GADL1: variants seen among roughly 807,000 people sequenced by gnomAD.
GADL1 encodes GAD like acidic amino acid decarboxylase 1, also known as acidic amino acid decarboxylase GADL1.
A neutral mutation model predicts 69.5 loss-of-function variants in GADL1; 71 were observed. The ratio of observed to expected loss-of-function variants is 1.02; its 90% CI spans 0.84 to 1.25. GADL1 has a LOEUF of 1.25. Ranked by LOEUF, GADL1 falls within the 50% of genes most tolerant of loss-of-function variation. The pLI is 0.00. For missense variants in GADL1, 737 were observed against 631.8 expected (o/e 1.17, Z -1.79); for synonymous variants, 254 against 214.4 (o/e 1.18, Z -1.62).
At chr3:30,886,279 T>C (rs1698707875) in intron 1 of GADL1, among the ~76,000 whole-genome samples, 1 of 152,066 alleles carries the variant, frequency 6.6e-6, no homozygotes, top group South Asian at 2.1e-4. Context: ...GATTGAGGAA[T>C]GTACTGTAGT....
At chr3:30,770,502 TG>T (rs1434469201) in intron 14 of GADL1, among the ~76,000 whole-genome samples, 1 of 152,198 alleles carries the variant, frequency 6.6e-6, no homozygotes, top group African/African-American at 2.4e-5. Flanking sequence ...GTTCATGAAA[TG>T]CAGATTTAGC....
At chr3:30,796,597 T>G (rs548416391) in intron 12 of GADL1, among the ~76,000 whole-genome samples, 1 of 152,208 alleles carries the variant, frequency 6.6e-6, no homozygotes, top group East Asian at 1.9e-4. Context: ...ATCTTAAACT[T>G]GAACCCGAAA....
rs905340558 is a variant in GADL1, at chr3:30,894,605, C to A, written c.10G>T (p.Asp4Tyr). ...TCCACAGGACACTGGCGGTCCGAGT[C>A]GCTGCTCATCTCCGCTCCCCCACTC... MSS[D>Y]SDRQCPVDGD... The change falls in exon 1 of 15, where the codon GAC (aspartate) becomes TAC (tyrosine). Residue 4 changes from aspartate (D) to tyrosine (Y), a missense_variant. Asp to Tyr is a radical substitution (Grantham distance 160, BLOSUM62 -3). Transcript: ENST00000282538. 2 of 1,550,898 alleles carry A rather than the reference C, an allele frequency of 1.3e-6. No individual in the cohort carries two copies. Among genetic ancestry groups the A allele is most frequent in the East Asian group, 2.4e-5 (1 of 40,880 alleles).
chr3:30,750,319 C>T (rs1695786130), intron 14 of GADL1, among the ~76,000 whole-genome samples: 1 of 152,028 alleles, frequency 6.6e-6, no homozygotes, highest in South Asian at 2.1e-4. Context: ...TCAAAAATGT[C>T]CTGAGTTGGG....
At chr3:30,846,861 A>G (rs1376298113) in intron 6 of GADL1, among the ~76,000 whole-genome samples, 1 of 152,156 alleles carries the variant, frequency 6.6e-6, no homozygotes, top group African/African-American at 2.4e-5. Flanking sequence ...GAGGAAGAGA[A>G]AGAGGCACCT....
At position 30,752,071 on chromosome 3, in the gene GADL1, CCT is replaced by C. The variant is rs1171780063; in HGVS notation, c.1393-23658_1393-23657del. Among the ~76,000 whole-genome samples the C allele has an allele frequency of 2.0e-5, 3 of 152,008 alleles. No homozygotes were observed. The East Asian group carries it at 5.8e-4, about 29-fold the overall frequency. ...GGCTACCCAGGCCCATGTGCTGAAA[CCT>C]ATTTCGTTAAAGTACTGCTGTGGTT... On this transcript the variant is annotated intron_variant, in intron 14 of 14. Coordinates refer to ENST00000282538, the MANE Select transcript of GADL1 (RefSeq NM_207359.3).
chr3:30,753,596 C>CT (rs1233976200), intron 14 of GADL1, among the ~76,000 whole-genome samples: 1 of 119,610 alleles, frequency 8.4e-6, no homozygotes, highest in East Asian at 2.4e-4. Flanking sequence ...GACCAACAGA[C>CT]TTAAAGATAA....
chr3:30,794,401 C>T (rs1273681466), intron 12 of GADL1, among the ~76,000 whole-genome samples: 3 of 152,044 alleles, frequency 2.0e-5, no homozygotes, highest in Non-Finnish European at 2.9e-5. Flanking sequence ...CTAGAAGGTG[C>T]CCTCAGCAAC....
At chr3:30,741,019 A>ATAT (rs1213503550) in intron 14 of GADL1, among the ~76,000 whole-genome samples, 4 of 106,618 alleles carry the variant, frequency 3.8e-5, no homozygotes, top group African/African-American at 1.2e-4. Flanking sequence ...TATATATTAT[A>ATAT]TAATATATTA....
intron 6 of GADL1, among the ~76,000 whole-genome samples, chr3:30,844,900 C>T (rs1356086209): frequency 2.0e-5 from 3 of 152,126 alleles, no homozygotes; most frequent in Non-Finnish European, 4.4e-5. Context: ...TAAAGTTTCT[C>T]CTGATGCTCC....
intron 14 of GADL1, among the ~76,000 whole-genome samples, chr3:30,734,849 C>T (rs1695517784): frequency 6.6e-6 from 1 of 152,104 alleles, no homozygotes; most frequent in Admixed American, 6.6e-5. Context: ...TTTTGATTAT[C>T]TTTCATCATA....
chr3:30,887,253 G>C (rs1442297073), intron 1 of GADL1, among the ~76,000 whole-genome samples: 1 of 152,202 alleles, frequency 6.6e-6, no homozygotes, highest in East Asian at 1.9e-4. Context: ...GCTGTGGTTT[G>C]AATGTCCCCT....
chr3:30,885,145 C>A (rs1698686635), intron 1 of GADL1, among the ~76,000 whole-genome samples: 1 of 152,006 alleles, frequency 6.6e-6, no homozygotes, highest in Admixed American at 6.6e-5. Flanking sequence ...CTGGCGTGTT[C>A]CTTAGCAAAT....
At chr3:30,799,405 A>G (rs1278023817) in intron 12 of GADL1, 1 of 152,286 alleles carries the variant, frequency 6.6e-6, no homozygotes, top group African/African-American at 2.4e-5. Flanking sequence ...GGCCCCTTTT[A>G]GCAATGGCTG....
intron 11 of GADL1, among the ~76,000 whole-genome samples, chr3:30,804,013 A>G (rs144060485): frequency 6.6e-6 from 1 of 152,338 alleles, no homozygotes; most frequent in East Asian, 1.9e-4. Flanking sequence ...CAATGAAAAG[A>G]CAAATTGCTT....
chr3:30,737,558 T>C (rs1047112402), intron 14 of GADL1, among the ~76,000 whole-genome samples: 2 of 152,168 alleles, frequency 1.3e-5, no homozygotes, highest in Admixed American at 6.6e-5. Context: ...TACTCCTTCA[T>C]ACAACCTTAC....
chr3:30,861,839 C>A (rs1160000256), intron 1 of GADL1, 74 bp from the exon 2 acceptor site: 3 of 877,058 alleles, frequency 3.4e-6, no homozygotes, highest in Non-Finnish European at 3.4e-6. Flanking sequence ...GGACAAAATG[C>A]ATCACTATCC....
chr3:30,816,940 C>T (rs984905045), intron 11 of GADL1, among the ~76,000 whole-genome samples: 3 of 152,104 alleles, frequency 2.0e-5, no homozygotes, highest in South Asian at 2.1e-4. Flanking sequence ...ATTCCTGTCC[C>T]ATATCCAATC....
intron 14 of GADL1, among the ~76,000 whole-genome samples, chr3:30,770,811 AACAAG>A (rs1159916401): frequency 7.3e-6 from 1 of 136,678 alleles, no homozygotes; most frequent in East Asian, 2.0e-4. Context: ...ATCCAACAGA[AACAAG>A]AGAAGAGAGG....
Sources: gnomAD v4.1 joint callset for allele counts (sites outside exome capture counted in the v4.1 genomes callset) on GRCh38, gnomAD v4.1.1 for gene constraint, MANE v1.5 for transcripts, NCBI Gene and HGNC (gene_info 2026-07-23, HGNC 2026-07-21) for gene names.